Variants in ZNF248 observed in about 807,000 individuals in gnomAD.
ZNF248 encodes zinc finger protein 248, also known as KRAB protein domain.
In ZNF248, 20 loss-of-function variants were observed where a neutral mutation model predicts 44.3. That is an observed-to-expected ratio of 0.45 (90% CI 0.32 to 0.66). The LOEUF is 0.66. Among genes scored for constraint, ZNF248 ranks in the 30% least tolerant of loss-of-function variants. ZNF248 has a pLI of 0.04. For synonymous variants in ZNF248, 224 were observed against 229.0 expected, an observed-to-expected ratio of 0.98 and a Z score of 0.20; for missense variants, 654 against 677.0, an observed-to-expected ratio of 0.97 and a Z score of 0.38.
chr10:37,854,983 C>A (rs2061016050), intron 3 of ZNF248, among the ~76,000 whole-genome samples: 1 of 152,222 alleles, frequency 6.6e-6, no homozygotes, highest in Admixed American at 6.5e-5. Flanking sequence ...GCTACTAAAT[C>A]AGAACCTGCA....
intron 6 of ZNF248, among the ~76,000 whole-genome samples, chr10:37,804,412 GAATCT>G (rs2050251599): frequency 6.6e-6 from 1 of 151,474 alleles, no homozygotes; most frequent in African/African-American, 2.4e-5. Context: ...TTATAATAGT[GAATCT>G]TATTTATTTT....
chr10:37,799,176 CAT>C (rs2049502263), intron 6 of ZNF248, among the ~76,000 whole-genome samples: 1 of 151,788 alleles, frequency 6.6e-6, no homozygotes, highest in Admixed American at 6.6e-5. Flanking sequence ...GAAAAATTAA[CAT>C]TAACTACAGA....
the ZNF248 span, among the ~76,000 whole-genome samples, chr10:37,771,231 A>C: frequency 2.0e-5 from 3 of 152,338 alleles, no homozygotes. Context: ...TCAGGGATCT[A>C]GAACTAGAAA....
chr10:37,837,726 A>G lies in ZNF248; in HGVS notation c.143-14T>C, dbSNP rs527697654. ...TAATGCAATACCCTGTTAAGAGAAA[A>G]TACCACAGGACTAGAGCTAAATAGC... On this transcript the variant is annotated splice_polypyrimidine_tract_variant and intron_variant, in intron 4 of 5. Coordinates refer to ENST00000395867, the MANE Select transcript of ZNF248 (RefSeq NM_021045.3). 2 of 1,611,418 alleles carry G rather than the reference A, an allele frequency of 1.2e-6. No individual in the cohort carries two copies. The highest frequency in any genetic ancestry group is 1.7e-5 in the Admixed American group (1 of 59,852).
chr10:37,839,878 C>A (rs982027931), intron 3 of ZNF248, among the ~76,000 whole-genome samples: 1 of 152,156 alleles, frequency 6.6e-6, no homozygotes, highest in Non-Finnish European at 1.5e-5. Flanking sequence ...ACATTCTATC[C>A]TTCTGTTCGT....
intron 3 of ZNF248, among the ~76,000 whole-genome samples, chr10:37,838,681 T>C (rs1274740125): frequency 6.6e-6 from 1 of 152,036 alleles, no homozygotes; most frequent in African/African-American, 2.4e-5. Flanking sequence ...TGTTTCTTTT[T>C]TAAATACAAT....
Position 37,829,627 on chromosome 10 carries a change from G to C in ZNF248, c.*1988C>G. On this transcript the variant is annotated 3_prime_UTR_variant, in exon 6 of 6. Transcript: ENST00000395867. Reference sequence around the variant, plus strand: ...ACAGGTATAGAGAGCAGAGTAGCTCGGCAACGTCACCTCTGAGCTGGCTTT... The same window carrying C: ...ACAGGTATAGAGAGCAGAGTAGCTCCGCAACGTCACCTCTGAGCTGGCTTT... 2.0e-6 allele frequency: 2 copies of C among 985,370 alleles called. No homozygotes were observed. The highest frequency in any genetic ancestry group is 2.4e-6 in the Non-Finnish European group (2 of 829,930). The allele number at this position is 985,370 out of a possible 1,614,324, so 61.0% of individuals were successfully genotyped here. A position where few individuals can be genotyped will look rare whatever the true frequency, so the allele number is the denominator to read the frequency against.
At chr10:37,770,972 A>C in the ZNF248 span, among the ~76,000 whole-genome samples, 1 of 152,286 alleles carries the variant, frequency 6.6e-6, no homozygotes, top group African/African-American at 2.4e-5. Flanking sequence ...GATATGAACA[A>C]ACACTTTTCA....
At chr10:37,768,178 G>A in the ZNF248 span, among the ~76,000 whole-genome samples, 1 of 152,098 alleles carries the variant, frequency 6.6e-6, no homozygotes, top group Admixed American at 6.6e-5. Flanking sequence ...ATAATAATGG[G>A]AGACTTTAAC....
the ZNF248 span, among the ~76,000 whole-genome samples, chr10:37,770,543 T>C: frequency 5.9e-5 from 9 of 152,146 alleles, no homozygotes; most frequent in Non-Finnish European, 8.8e-5. Context: ...ATTTAATAAA[T>C]GGTGCTGGGA....
intron 6 of ZNF248, among the ~76,000 whole-genome samples, chr10:37,808,334 G>A (rs1216212157): frequency 2.7e-5 from 4 of 150,500 alleles, no homozygotes; most frequent in Non-Finnish European, 5.9e-5. Flanking sequence ...CTGGAGTGGA[G>A]TGCAGGGATG....
rs570809691 is a variant in ZNF248 at position 37,813,191 on chromosome 10, G to A, written c.330+19834C>T. Among the ~76,000 whole-genome samples, 7 of 152,204 alleles carry A rather than the reference G, an allele frequency of 4.6e-5. No homozygotes were observed. The South Asian group carries it at 6.2e-4, about 14-fold the overall frequency. Reference sequence around the variant, plus strand: ...CATGAGGCGTAAGACGTAGAAGAACGTACAAGAAACAATGTCGTAAAACAA... The same window carrying A: ...CATGAGGCGTAAGACGTAGAAGAACATACAAGAAACAATGTCGTAAAACAA... On this transcript the variant is annotated intron_variant, in intron 6 of 6. Transcript: ENST00000615949.
the ZNF248 span, among the ~76,000 whole-genome samples, chr10:37,761,529 C>T: frequency 6.6e-6 from 1 of 152,170 alleles, no homozygotes; most frequent in Non-Finnish European, 1.5e-5. Context: ...ATAAGATATA[C>T]ATGAGATAAT....
At chr10:37,818,863 T>G (rs1462486233) in intron 6 of ZNF248, 2 of 1,004,196 alleles carry the variant, frequency 2.0e-6, no homozygotes, top group Admixed American at 3.5e-5. Flanking sequence ...GATGTCTTGC[T>G]GAGACTGGTT....
intron 3 of ZNF248, among the ~76,000 whole-genome samples, chr10:37,853,876 G>A (rs2060783422): frequency 1.3e-5 from 2 of 152,086 alleles, no homozygotes; most frequent in African/African-American, 2.4e-5. Flanking sequence ...AATAACTGTA[G>A]ATGAAGCATG....
chr10:37,821,188 T>A (rs2053404542), intron 6 of ZNF248, among the ~76,000 whole-genome samples: 1 of 149,776 alleles, frequency 6.7e-6, no homozygotes, highest in African/African-American at 2.6e-5. Flanking sequence ...GTCTGTTTCA[T>A]CTAGAAATAA....
intron 6 of ZNF248, among the ~76,000 whole-genome samples, chr10:37,810,399 A>G (rs1260527017): frequency 6.6e-6 from 1 of 152,142 alleles, no homozygotes; most frequent in Non-Finnish European, 1.5e-5. Context: ...TTCTTGCTGT[A>G]TTGAATTTTA....
At chr10:37,790,736 T>A (rs970834887) in intron 6 of ZNF248, among the ~76,000 whole-genome samples, 6 of 127,448 alleles carry the variant, frequency 4.7e-5, no homozygotes, top group African/African-American at 1.0e-4. Flanking sequence ...AAATAAATAA[T>A]TTTTTAAAAA....
chr10:37,833,440 C>G (rs1189982359), intron 5 of ZNF248, among the ~76,000 whole-genome samples: 1 of 152,028 alleles, frequency 6.6e-6, no homozygotes, highest in Non-Finnish European at 1.5e-5. Context: ...TAGAAAAACT[C>G]GGAGAAAATG....
Sources: gnomAD v4.1 joint callset for allele counts (sites outside exome capture counted in the v4.1 genomes callset) on GRCh38, gnomAD v4.1.1 for gene constraint, MANE v1.5 for transcripts, NCBI Gene and HGNC (gene_info 2026-07-23, HGNC 2026-07-21) for gene names.